Variants in PMFBP1 observed in about 807,000 individuals in gnomAD.
The protein encoded by PMFBP1 is polyamine modulated factor 1 binding protein 1.
A neutral mutation model predicts 137.8 loss-of-function variants in PMFBP1; 131 were observed. The ratio of observed to expected loss-of-function variants is 0.95; its 90% CI spans 0.82 to 1.10. The LOEUF (loss-of-function observed/expected upper bound fraction) is 1.10. Ranked by LOEUF, PMFBP1 falls within the 50% of genes least tolerant of loss-of-function variation. The pLI is 0.00. For synonymous variants in PMFBP1, 490 were observed against 450.4 expected (o/e 1.09, Z -1.11); for missense variants, 1,199 against 1,175.4 (o/e 1.02, Z -0.29).
chr16:72,147,061 G>A (rs1431485277), intron 5 of PMFBP1, among the ~76,000 whole-genome samples: 2 of 152,188 alleles, frequency 1.3e-5, no homozygotes, highest in Admixed American at 6.5e-5. Flanking sequence ...AGCCCGCATA[G>A]CCAAGACAAT....
chr16:72,140,357 C>A, intron 6 of PMFBP1, 55 bp downstream of exon 6: 1 of 1,515,212 alleles, frequency 6.6e-7, no homozygotes, highest in Non-Finnish European at 9.1e-7. Flanking sequence ...TCCTTTCTCT[C>A]CCCATGTCTT....
the PMFBP1 span, among the ~76,000 whole-genome samples, chr16:72,227,662 A>G: frequency 1.3e-5 from 2 of 152,202 alleles, no homozygotes; most frequent in Non-Finnish European, 2.9e-5. Flanking sequence ...GCAGAATGGT[A>G]TGCCCTTAAG....
rs578145378 is a variant in PMFBP1, at chr16:72,136,725, G to T, written c.1013C>A (p.Ala338Asp). ...GATGTTTCTCTTCTGTTCCGACACGGCCTCTAGTTCCACGCGCAGATCCTT... is the reference window on the plus strand; with the variant it reads ...GATGTTTCTCTTCTGTTCCGACACGTCCTCTAGTTCCACGCGCAGATCCTT... ...LVKDLRVELE[A>D]VSEQKRNIMK... The change falls in exon 8 of 21, where the codon GCC (alanine) becomes GAC (aspartate). Residue 338 changes from alanine to aspartate, a missense_variant. Transcript: ENST00000237353. 1 of 1,614,038 alleles carries T rather than the reference G, an allele frequency of 6.2e-7. No homozygotes were observed. Among genetic ancestry groups the T allele is most frequent in the South Asian group, 1.1e-5 (1 of 91,064 alleles).
chr16:72,168,855 T>A (rs1249635664), intron 2 of PMFBP1, among the ~76,000 whole-genome samples: 1 of 152,244 alleles, frequency 6.6e-6, no homozygotes, highest in African/African-American at 2.4e-5. Context: ...GGTTATTTAC[T>A]GAAGCAAATT....
At chr16:72,152,583 G>A (rs763144563) in intron 4 of PMFBP1, among the ~76,000 whole-genome samples, 1 of 152,086 alleles carries the variant, frequency 6.6e-6, no homozygotes, top group East Asian at 1.9e-4. Context: ...GGTGACTCAT[G>A]CCTGTAACCC....
At chr16:72,161,714 A>G (rs749120448) in intron 3 of PMFBP1, among the ~76,000 whole-genome samples, 1 of 152,158 alleles carries the variant, frequency 6.6e-6, no homozygotes, top group Non-Finnish European at 1.5e-5. Context: ...ATGTTGGAAG[A>G]TTACTATGAA....
chr16:72,156,341 G>A (rs925648654), intron 3 of PMFBP1, among the ~76,000 whole-genome samples: 2 of 152,052 alleles, frequency 1.3e-5, no homozygotes, highest in Non-Finnish European at 2.9e-5. Context: ...ATTGGAGGCC[G>A]GGCACGGTGG....
At chr16:72,245,257 T>C in the PMFBP1 span, among the ~76,000 whole-genome samples, 3 of 152,234 alleles carry the variant, frequency 2.0e-5, no homozygotes, top group East Asian at 1.9e-4. Context: ...GCATTTAACA[T>C]GTGCTAGGCA....
At chr16:72,206,554 A>G in the PMFBP1 span, among the ~76,000 whole-genome samples, 1 of 152,176 alleles carries the variant, frequency 6.6e-6, no homozygotes, top group Non-Finnish European at 1.5e-5. Flanking sequence ...GAAACTCACA[A>G]CAGTCCATGG....
At chr16:72,239,664 C>T in the PMFBP1 span, among the ~76,000 whole-genome samples, 6 of 151,784 alleles carry the variant, frequency 4.0e-5, no homozygotes, top group Non-Finnish European at 8.8e-5. Flanking sequence ...GAGGCCGAGG[C>T]GGGTGGATCA....
At chr16:72,161,093 AC>A (rs1287332728) in intron 3 of PMFBP1, among the ~76,000 whole-genome samples, 10 of 137,984 alleles carry the variant, frequency 7.2e-5, no homozygotes, top group African/African-American at 2.4e-4. Context: ...TTTATCTGTT[AC>A]TTTTTTTTTT....
rs543780554 is a variant in PMFBP1, at chr16:72,128,555, C to T, written c.2088+102G>A. The stretch of plus-strand genomic sequence containing the variant: ...GGCCCAGGATCCGCAGTTGGCTGAG[C>T]AGTTAGCTGCATTTCTGTGTGGAGG... On this transcript the variant is annotated intron_variant, in intron 14 of 20. Coordinates refer to ENST00000237353, the MANE Select transcript of PMFBP1 (RefSeq NM_031293.3). The T allele has an allele frequency of 4.0e-5, 64 of 1,604,136 alleles. No individual in the cohort carries two copies. In the East Asian group the frequency reaches 1.4e-3, roughly 36 times the overall value.
rs1567620120 is a variant in PMFBP1, at chr16:72,124,943, GA to G, written c.2422-10del. ...TTGTCAAAGGCGTGCACCTACTCAGGAGAGCAAAGTGAGGAGGGGGACTCCA... is the reference window on the plus strand; with the variant it reads ...TTGTCAAAGGCGTGCACCTACTCAGGGAGCAAAGTGAGGAGGGGGACTCCA... On this transcript the variant is annotated splice_polypyrimidine_tract_variant and intron_variant, in intron 16 of 20. Coordinates refer to ENST00000237353, the MANE Select transcript of PMFBP1 (RefSeq NM_031293.3). The G allele has an allele frequency of 6.2e-7, 1 of 1,612,370 alleles. No individual in the cohort carries two copies. The highest frequency in any genetic ancestry group is 8.5e-7 in the Non-Finnish European group (1 of 1,178,838).
the PMFBP1 span, among the ~76,000 whole-genome samples, chr16:72,242,548 G>C: frequency 2.0e-5 from 3 of 152,122 alleles, no homozygotes; most frequent in African/African-American, 7.2e-5. Context: ...TGTCCTTTGG[G>C]TCTTGGTAAG....
chr16:72,160,076 C>T (rs1321979528), intron 3 of PMFBP1, among the ~76,000 whole-genome samples: 1 of 152,226 alleles, frequency 6.6e-6, no homozygotes, highest in Non-Finnish European at 1.5e-5. Flanking sequence ...ATTTAGTACA[C>T]ATTTCATCCC....
chr16:72,185,313 C>T, the PMFBP1 span, among the ~76,000 whole-genome samples: 2 of 152,098 alleles, frequency 1.3e-5, no homozygotes, highest in African/African-American at 2.4e-5. Flanking sequence ...CATGAGCCAC[C>T]GTGCACAGCC....
the PMFBP1 span, among the ~76,000 whole-genome samples, chr16:72,245,298 A>G: frequency 6.6e-6 from 1 of 152,226 alleles, no homozygotes; most frequent in Non-Finnish European, 1.5e-5. Context: ...GTATTCTATT[A>G]TCTCAACTAC....
chr16:72,243,698 C>T, the PMFBP1 span, among the ~76,000 whole-genome samples: 1 of 152,160 alleles, frequency 6.6e-6, no homozygotes, highest in Non-Finnish European at 1.5e-5. Flanking sequence ...CACAGTTACA[C>T]ATTCAGAGAC....
At chr16:72,147,336 ACTGGATCCCTTC>A (rs1240162630) in intron 5 of PMFBP1, among the ~76,000 whole-genome samples, 3 of 152,270 alleles carry the variant, frequency 2.0e-5, no homozygotes, top group African/African-American at 7.2e-5. Flanking sequence ...GAAAGCTGAA[ACTGGATCCCTTC>A]CTTACACCTT....
Sources: allele counts gnomAD v4.1 joint callset (sites outside exome capture counted in the v4.1 genomes callset), GRCh38; gene constraint gnomAD v4.1.1; transcripts MANE v1.5; gene names NCBI Gene and HGNC (gene_info 2026-07-23, HGNC 2026-07-21).